CSMD3: variants seen among roughly 807,000 people sequenced by gnomAD.
CSMD3 encodes the protein CUB and Sushi multiple domains 3.
In CSMD3, 177 loss-of-function variants were observed where a neutral mutation model predicts 435.2. That is an observed-to-expected ratio of 0.41 (90% CI 0.36 to 0.46). CSMD3 has a LOEUF of 0.46. Among genes scored for constraint, CSMD3 ranks in the 20% least tolerant of loss-of-function variants. The probability of loss-of-function intolerance (pLI) is 0.34; values close to 1 mark genes in which losing one functional copy is unlikely to be tolerated. For missense variants in CSMD3, 4,265 were observed against 4,504.6 expected, an observed-to-expected ratio of 0.95 and a Z score of 1.52; for synonymous variants, 1,656 against 1,520.5, an observed-to-expected ratio of 1.09 and a Z score of -2.07.
At chr8:112,877,329 G>A (rs1455273473) in intron 10 of CSMD3, among the ~76,000 whole-genome samples, 1 of 151,698 alleles carries the variant, frequency 6.6e-6, no homozygotes, top group Non-Finnish European at 1.5e-5. Context: ...GCAATGGTGT[G>A]ATATCGGCTC....
intron 38 of CSMD3, among the ~76,000 whole-genome samples, chr8:112,368,113 A>G (rs1009875865): frequency 6.6e-6 from 1 of 152,158 alleles, no homozygotes; most frequent in Admixed American, 6.5e-5. Flanking sequence ...TCTTATATCT[A>G]TCTGCATTCC....
chr8:112,481,348 A>G (rs1819606755), intron 31 of CSMD3, among the ~76,000 whole-genome samples: 2 of 152,246 alleles, frequency 1.3e-5, no homozygotes, highest in African/African-American at 4.8e-5. Flanking sequence ...TACAGGCAAC[A>G]TAGCCTTAAG....
At chr8:112,875,234 C>A (rs1451892085) in intron 10 of CSMD3, among the ~76,000 whole-genome samples, 1 of 152,034 alleles carries the variant, frequency 6.6e-6, no homozygotes, top group Non-Finnish European at 1.5e-5. Flanking sequence ...TTAAGAATGT[C>A]AAATATTGGC....
intron 30 of CSMD3, among the ~76,000 whole-genome samples, chr8:112,497,763 C>T (rs994178801): frequency 7.2e-5 from 11 of 151,780 alleles, no homozygotes; most frequent in Admixed American, 2.6e-4. Context: ...GCATTGTTAG[C>T]CTTAAGAAAC....
intron 10 of CSMD3, among the ~76,000 whole-genome samples, chr8:112,902,419 A>G (rs2082129594): frequency 6.6e-6 from 1 of 151,246 alleles, no homozygotes; most frequent in South Asian, 2.1e-4. Flanking sequence ...TCCCAAGGGC[A>G]TCTCAGCTTT....
intron 59 of CSMD3, among the ~76,000 whole-genome samples, chr8:112,274,313 A>G (rs1817823875): frequency 6.6e-6 from 1 of 152,186 alleles, no homozygotes; most frequent in South Asian, 2.1e-4. Flanking sequence ...AATTAGTTGA[A>G]TCCCCTGATT....
intron 9 of CSMD3, among the ~76,000 whole-genome samples, chr8:112,936,092 T>C (rs1338949778): frequency 6.6e-6 from 1 of 152,106 alleles, no homozygotes; most frequent in African/African-American, 2.4e-5. Flanking sequence ...AAAATGCTAA[T>C]ATAGTCTGTT....
At position 112,492,821 on chromosome 8, in the gene CSMD3, T is replaced by C. The variant is rs1393298243; in HGVS notation, c.5084-138A>G. 5.5e-6 allele frequency: 4 copies of C among 732,894 alleles called. No homozygotes were observed. The East Asian group carries it at 8.0e-5, about 15-fold the overall frequency. 45.4% of individuals were successfully genotyped at this position (732,894 alleles called of 1,614,324 possible). On this transcript the variant is annotated intron_variant, in intron 30 of 70. Coordinates refer to ENST00000297405, the MANE Select transcript of CSMD3 (RefSeq NM_198123.2). Reference sequence around the variant, plus strand: ...AAAAACTGTATCTGTACTGAATATATACAGACTTTTTTTGTCATTACTCCC... The same window carrying C: ...AAAAACTGTATCTGTACTGAATATACACAGACTTTTTTTGTCATTACTCCC...
intron 31 of CSMD3, among the ~76,000 whole-genome samples, chr8:112,473,324 T>C (rs1818712253): frequency 1.3e-5 from 2 of 152,156 alleles, no homozygotes; most frequent in African/African-American, 4.8e-5. Context: ...ATGGGGGTCC[T>C]GTTATTCACA....
At chr8:112,327,300 T>C (rs1823603305) in intron 45 of CSMD3, among the ~76,000 whole-genome samples, 1 of 152,138 alleles carries the variant, frequency 6.6e-6, no homozygotes, top group African/African-American at 2.4e-5. Flanking sequence ...GGTACAAATA[T>C]ATCCAATATT....
chr8:113,356,167 A>T (rs2094226005), intron 1 of CSMD3, among the ~76,000 whole-genome samples: 1 of 152,106 alleles, frequency 6.6e-6, no homozygotes, highest in African/African-American at 2.4e-5. Flanking sequence ...CTATTCATGT[A>T]GTTTGTTTAA....
chr8:112,722,208 G>A (rs572752524), intron 13 of CSMD3, among the ~76,000 whole-genome samples: 25 of 149,116 alleles, frequency 1.7e-4, no homozygotes, highest in African/African-American at 5.9e-4. Context: ...AAAAAAAAAA[G>A]CAAGGGAACT....
At chr8:112,646,079 C>A (rs562474847) in intron 19 of CSMD3, among the ~76,000 whole-genome samples, 2 of 152,238 alleles carry the variant, frequency 1.3e-5, no homozygotes, top group South Asian at 4.1e-4. Context: ...ACTTTCTTAG[C>A]ACACTAGAAA....
intron 32 of CSMD3, among the ~76,000 whole-genome samples, chr8:112,453,336 A>G (rs1166320259): frequency 6.6e-6 from 1 of 152,120 alleles, no homozygotes; most frequent in African/African-American, 2.4e-5. Context: ...TCTCTTTGCC[A>G]ATAATATGAT....
At chr8:113,269,082 T>C (rs1374905305) in intron 3 of CSMD3, among the ~76,000 whole-genome samples, 1 of 152,156 alleles carries the variant, frequency 6.6e-6, no homozygotes, top group African/African-American at 2.4e-5. Context: ...TTAATACATA[T>C]ATCAAAAAGA....
chr8:113,312,104 G>T (rs2093874176), intron 2 of CSMD3: 2 of 152,136 alleles, frequency 1.3e-5, no homozygotes, highest in South Asian at 4.1e-4. Flanking sequence ...AAACTTTGGA[G>T]ATTGTGTCTA....
chr8:112,451,637 C>G (rs1816286885), intron 32 of CSMD3, among the ~76,000 whole-genome samples: 1 of 151,910 alleles, frequency 6.6e-6, no homozygotes, highest in African/African-American at 2.4e-5. Flanking sequence ...CTCCCGGGTT[C>G]AAGCGATTGT....
intron 3 of CSMD3, among the ~76,000 whole-genome samples, chr8:113,224,543 G>C (rs1209456176): frequency 6.6e-6 from 1 of 150,998 alleles, no homozygotes; most frequent in African/African-American, 2.4e-5. Context: ...TCTGTTTGTA[G>C]CAATATATTT....
At chr8:113,041,240 A>C in intron 5 of CSMD3, among the ~76,000 whole-genome samples, 1 of 146,844 alleles carries the variant, frequency 6.8e-6, no homozygotes, top group Non-Finnish European at 1.5e-5. Flanking sequence ...GGGGAAGGGA[A>C]GTTTTGAGAA....
Sources: allele counts gnomAD v4.1 joint callset (sites outside exome capture counted in the v4.1 genomes callset), GRCh38; gene constraint gnomAD v4.1.1; transcripts MANE v1.5; gene names NCBI Gene and HGNC (gene_info 2026-07-23, HGNC 2026-07-21).